TRPC4: variants seen among roughly 807,000 people sequenced by gnomAD.
TRPC4 encodes short transient receptor potential channel 4.
A neutral mutation model predicts 99.4 loss-of-function variants in TRPC4; 49 were observed. That is an observed-to-expected ratio of 0.49 (90% CI 0.39 to 0.63). The LOEUF (loss-of-function observed/expected upper bound fraction) is 0.63. Ranked by LOEUF, TRPC4 falls within the 20% of genes least tolerant of loss-of-function variation. The pLI is 0.00. For synonymous variants in TRPC4, 454 were observed against 425.9 expected (o/e 1.07, Z -0.81); for missense variants, 898 against 1,152.9 (o/e 0.78, Z 3.20).
At position 37,633,008 on chromosome 13, in the gene TRPC4, T is replaced by A. The variant is rs1233157136; in HGVS notation, c.*3895A>T. On this transcript the variant is annotated 3_prime_UTR_variant, in exon 11 of 11. Coordinates refer to ENST00000379705, the MANE Select transcript of TRPC4 (RefSeq NM_016179.4). ...AGGAGGTTTTTGTTTAAGCCCCAAC[T>A]TGACCACCAAACACATGGGTAAATT... Among the ~76,000 whole-genome samples the A allele has an allele frequency of 5.3e-5, 8 of 152,118 alleles. No individual in the cohort carries two copies. The highest frequency in any genetic ancestry group is 5.2e-4 in the Admixed American group (8 of 15,254).
At chr13:37,855,617 A>G (rs1347122946) in intron 1 of TRPC4, among the ~76,000 whole-genome samples, 1 of 151,896 alleles carries the variant, frequency 6.6e-6, no homozygotes, top group East Asian at 1.9e-4. Context: ...TCTCAGGAAC[A>G]GGCCATAAGT....
chr13:37,782,979 T>G lies in TRPC4; in HGVS notation c.355A>C (p.Lys119Gln). Reference protein sequence around the residue: ...VGAVELLLNHKKPSGEKQVPP... With the variant: ...VGAVELLLNHQKPSGEKQVPP... The stretch of plus-strand genomic sequence containing the variant: ...ACCTGTTTTTCTCCACTAGGTTTTT[T>G]GTGGTTCAATAACAGCTCAACAGCT... Residue 119 changes from lysine to glutamine, a missense_variant, in exon 2 of 11, where the codon AAA (lysine) becomes CAA (glutamine). Lys to Gln is a moderately conservative substitution (Grantham distance 53). Around this residue, in one of 3 missense-constraint regions of TRPC4, gnomAD observed 278 missense variants for 346.6 expected, o/e 0.80. Coordinates refer to ENST00000379705, the MANE Select transcript of TRPC4 (RefSeq NM_016179.4). 6.7e-7 allele frequency: 1 copy of G among 1,498,922 alleles called. No homozygotes were observed. Among genetic ancestry groups the G allele is most frequent in the Admixed American group, 2.1e-5 (1 of 48,072 alleles). 92.9% of individuals were successfully genotyped at this position (1,498,922 alleles called of 1,614,324 possible). A position where few individuals can be genotyped will look rare whatever the true frequency, so the allele number is the denominator to read the frequency against.
At chr13:37,660,694 C>T in intron 6 of TRPC4, among the ~76,000 whole-genome samples, 1 of 152,104 alleles carries the variant, frequency 6.6e-6, no homozygotes, top group Admixed American at 6.5e-5. Context: ...CATTCTATGA[C>T]ATGAACTGTG....
chr13:37,649,753 A>AAAC (rs1951973633), intron 8 of TRPC4, among the ~76,000 whole-genome samples: 3 of 135,920 alleles, frequency 2.2e-5, no homozygotes, highest in Non-Finnish European at 3.4e-5. Context: ...AAAAAAAAAA[A>AAAC]AAAAAAACAA....
intron 5 of TRPC4, among the ~76,000 whole-genome samples, chr13:37,674,012 G>A (rs1285602567): frequency 6.6e-6 from 1 of 152,016 alleles, no homozygotes; most frequent in African/African-American, 2.4e-5. Context: ...GGAATTGGGT[G>A]ATAACTTCTA....
intron 4 of TRPC4, among the ~76,000 whole-genome samples, chr13:37,691,784 A>T (rs959701250): frequency 6.6e-6 from 1 of 152,196 alleles, no homozygotes; most frequent in Admixed American, 6.5e-5. Context: ...TAATTCTAAA[A>T]TTTAAGGTTA....
intron 1 of TRPC4, among the ~76,000 whole-genome samples, chr13:37,834,396 G>T (rs1424038236): frequency 6.6e-6 from 1 of 152,118 alleles, no homozygotes; most frequent in African/African-American, 2.4e-5. Flanking sequence ...ATACATTAAA[G>T]AATCAAAACT....
chr13:37,725,269 A>G (rs1357368788), intron 3 of TRPC4, among the ~76,000 whole-genome samples: 1 of 152,106 alleles, frequency 6.6e-6, no homozygotes, highest in Non-Finnish European at 1.5e-5. Flanking sequence ...GGACCAATAT[A>G]TACATTGTGG....
At chr13:37,719,968 C>T (rs1364675616) in intron 3 of TRPC4, among the ~76,000 whole-genome samples, 2 of 151,586 alleles carry the variant, frequency 1.3e-5, no homozygotes, top group Non-Finnish European at 2.9e-5. Flanking sequence ...TAAGTGGGCT[C>T]GGTGTAGTCA....
intron 3 of TRPC4, among the ~76,000 whole-genome samples, chr13:37,724,277 T>C (rs1422715695): frequency 6.6e-6 from 1 of 152,184 alleles, no homozygotes; most frequent in Non-Finnish European, 1.5e-5. Context: ...AGTGTGTAGG[T>C]ATGTTTTGTG....
In TRPC4 at chr13:37,738,471, T is replaced by A. The variant is rs543771493; in HGVS notation, c.897+7466A>T. 2.0e-5 allele frequency among the ~76,000 whole-genome samples: 3 copies of A among 152,264 alleles called. No homozygotes were observed. In the East Asian group the frequency reaches 5.8e-4, roughly 29 times the overall value. ...TCACAGGTGAAACCCTAACCGATAATTTTAAGTAGTGCTCAGCCTTGATTG... is the reference window on the plus strand; with the variant it reads ...TCACAGGTGAAACCCTAACCGATAAATTTAAGTAGTGCTCAGCCTTGATTG... On this transcript the variant is annotated intron_variant, in intron 3 of 10. Coordinates refer to ENST00000379705, the MANE Select transcript of TRPC4 (RefSeq NM_016179.4).
At chr13:37,865,122 T>C (rs1959650857) in intron 1 of TRPC4, among the ~76,000 whole-genome samples, 1 of 151,756 alleles carries the variant, frequency 6.6e-6, no homozygotes, top group African/African-American at 2.4e-5. Context: ...GTTTAGTAAA[T>C]ATCATGACAA....
chr13:37,827,646 C>T (rs1297473409), intron 1 of TRPC4, among the ~76,000 whole-genome samples: 2 of 150,794 alleles, frequency 1.3e-5, no homozygotes, highest in African/African-American at 4.9e-5. Context: ...TCTCCAGCTG[C>T]GTACTGGGAG....
intron 3 of TRPC4, among the ~76,000 whole-genome samples, chr13:37,729,786 T>C (rs1275803036): frequency 6.6e-6 from 1 of 152,076 alleles, no homozygotes; most frequent in Non-Finnish European, 1.5e-5. Context: ...GTCAAAATTA[T>C]AAAGGCAGAA....
intron 1 of TRPC4, among the ~76,000 whole-genome samples, chr13:37,788,966 T>C (rs996779485): frequency 2.0e-5 from 3 of 152,142 alleles, no homozygotes; most frequent in African/African-American, 4.8e-5. Flanking sequence ...AAAATGTTGA[T>C]GTTCATCATC....
intron 1 of TRPC4, among the ~76,000 whole-genome samples, chr13:37,832,386 A>G (rs1471489691): frequency 1.3e-5 from 2 of 152,118 alleles, no homozygotes; most frequent in African/African-American, 2.4e-5. Context: ...TACTAAAAAT[A>G]AAAAAGAAAA....
Position 37,692,226 on chromosome 13 carries a change from A to T in TRPC4, c.1007T>A (p.Ile336Lys). Residue 336 changes from isoleucine to lysine, a missense_variant, in exon 4 of 11, where the codon ATA (isoleucine) becomes AAA (lysine). Around this residue, in one of 3 missense-constraint regions of TRPC4, gnomAD observed 274 missense variants for 454.9 expected, o/e 0.60. Transcript: ENST00000379705. ...WAVKMVTCFI[I>K]GLLFPVFSVC... is the part of the protein sequence containing the mutation. ...AGAGAAGACAGGAAAAAGAAGTCCT[A>T]TTATGAAACATGTCACCATCTTCAC... is the stretch of plus-strand genomic sequence containing the variant. 1 of 1,614,152 alleles carries T rather than the reference A, an allele frequency of 6.2e-7. No individual in the cohort carries two copies. The highest frequency in any genetic ancestry group is 8.5e-7 in the Non-Finnish European group (1 of 1,180,020).
At chr13:37,761,314 A>C (rs527367153) in intron 2 of TRPC4, among the ~76,000 whole-genome samples, 1 of 151,908 alleles carries the variant, frequency 6.6e-6, no homozygotes, top group South Asian at 2.1e-4. Flanking sequence ...CAGGCCTCAG[A>C]GAAGTTCAGT....
intron 2 of TRPC4, among the ~76,000 whole-genome samples, chr13:37,771,300 C>T (rs1956544146): frequency 6.6e-6 from 1 of 151,712 alleles, no homozygotes; most frequent in Admixed American, 6.6e-5. Flanking sequence ...ACTTTGCTAA[C>T]CAAAACCCTT....
Sources: allele counts gnomAD v4.1 joint callset (sites outside exome capture counted in the v4.1 genomes callset), GRCh38; gene constraint gnomAD v4.1.1; regional missense constraint gnomAD v4.1.1; transcripts MANE v1.5; gene names NCBI Gene and HGNC (gene_info 2026-07-23, HGNC 2026-07-21).